Variants in PPP2R2A observed in about 807,000 individuals in gnomAD.
PPP2R2A encodes serine/threonine-protein phosphatase 2A 55 kDa regulatory subunit B alpha isoform.
In PPP2R2A, 9 loss-of-function variants were observed where a neutral mutation model predicts 53.2. The observed-to-expected ratio is 0.17, with a 90% CI of 0.10 to 0.30. The LOEUF (loss-of-function observed/expected upper bound fraction) is 0.30, where lower values mean the gene tolerates loss of function less well. Among genes scored for constraint, PPP2R2A ranks in the 10% least tolerant of loss-of-function variants. The probability of loss-of-function intolerance (pLI) is 1.00; values close to 1 mark genes in which losing one functional copy is unlikely to be tolerated. For missense variants in PPP2R2A, 235 were observed against 534.6 expected, an observed-to-expected ratio of 0.44 and a Z score of 5.53; for synonymous variants, 169 against 174.2, an observed-to-expected ratio of 0.97 and a Z score of 0.23.
chr8:26,291,677 T>TGCCCCCCC lies in PPP2R2A; in HGVS notation c.-143_-142insGCCCCCCC. 12 of 451,624 alleles carry TGCCCCCCC rather than the reference T, an allele frequency of 2.7e-5. No individual in the cohort carries two copies. Among genetic ancestry groups the TGCCCCCCC allele is most frequent in the Non-Finnish European group, 2.9e-5 (7 of 242,350 alleles). 28.0% of individuals were successfully genotyped at this position (451,624 alleles called of 1,614,324 possible). ...TGGTCTGCCCGCCCCTCCTTCCTTT[T>TGCCCCCCC]CCCCCCGGCCCCCGTCCCCTCCCCC... On this transcript the variant is annotated 5_prime_UTR_variant, in exon 1 of 10. Coordinates refer to ENST00000380737, the MANE Select transcript of PPP2R2A (RefSeq NM_002717.4).
At position 26,371,392 on chromosome 8, in the gene PPP2R2A, A is replaced by G. The variant is rs1391778434; in HGVS notation, c.*979A>G. ...TTTTTTACCATCATGAGGGTATTGG[A>G]TACATTGTGTCTCTATTTAACTCAT... On this transcript the variant is annotated 3_prime_UTR_variant, in exon 10 of 10. Coordinates refer to ENST00000380737, the MANE Select transcript of PPP2R2A (RefSeq NM_002717.4). 3 of 146,608 alleles carry G rather than the reference A, an allele frequency of 2.0e-5. No homozygotes were observed. In the East Asian group the frequency reaches 5.9e-4, roughly 29 times the overall value. The allele number at this position is 146,608 out of a possible 1,614,324, so 9.1% of individuals were successfully genotyped here. A position where few individuals can be genotyped will look rare whatever the true frequency, so the allele number is the denominator to read the frequency against.
intron 2 of PPP2R2A, among the ~76,000 whole-genome samples, chr8:26,311,533 G>A (rs1037325113): frequency 1.3e-5 from 2 of 152,130 alleles, no homozygotes; most frequent in East Asian, 3.9e-4. Context: ...GCCGGGCACG[G>A]TGGTGCAAGC....
chr8:26,343,017 A>G (rs1804020645), intron 3 of PPP2R2A, among the ~76,000 whole-genome samples: 1 of 151,990 alleles, frequency 6.6e-6, no homozygotes, highest in Non-Finnish European at 1.5e-5. Flanking sequence ...GTATCTAATA[A>G]AAATACAAAA....
intron 4 of PPP2R2A, among the ~76,000 whole-genome samples, chr8:26,357,657 A>G (rs1804862969): frequency 6.6e-6 from 1 of 152,154 alleles, no homozygotes; most frequent in Non-Finnish European, 1.5e-5. Flanking sequence ...GGTGTGTCTT[A>G]ACAACTTCTT....
At chr8:26,346,751 T>C (rs773313241) in intron 3 of PPP2R2A, among the ~76,000 whole-genome samples, 4 of 152,258 alleles carry the variant, frequency 2.6e-5, no homozygotes, top group Non-Finnish European at 5.9e-5. Flanking sequence ...AGGATTTGAC[T>C]TGTGCCTTTA....
intron 9 of PPP2R2A, among the ~76,000 whole-genome samples, chr8:26,368,092 C>T (rs76202302): frequency 0.039 from 5,960 of 152,264 alleles, 97 homozygotes; most frequent in Middle Eastern, 0.068. Flanking sequence ...TAGCCACAGC[C>T]TAGGTGTCCT....
At chr8:26,333,594 C>A in intron 2 of PPP2R2A, 1 of 1,056,108 alleles carries the variant, frequency 9.5e-7, no homozygotes, top group South Asian at 2.1e-5. Flanking sequence ...GCCAAGGCTA[C>A]TAATAATTTA....
At chr8:26,316,449 G>A (rs921091689) in intron 2 of PPP2R2A, among the ~76,000 whole-genome samples, 2 of 152,090 alleles carry the variant, frequency 1.3e-5, no homozygotes, top group African/African-American at 2.4e-5. Flanking sequence ...AAAGCCGTGA[G>A]GTTTTAAAGA....
At chr8:26,294,109 A>T (rs1425590707) in intron 2 of PPP2R2A, among the ~76,000 whole-genome samples, 2 of 152,186 alleles carry the variant, frequency 1.3e-5, no homozygotes, top group Non-Finnish European at 2.9e-5. Context: ...GTAAATTGAA[A>T]TAGGTGCCAT....
In PPP2R2A at chr8:26,363,764, C is replaced by T. The variant is rs374880394; in HGVS notation, c.846C>T (p.Ser282=). 7.5e-5 allele frequency: 120 copies of T among 1,596,390 alleles called. No homozygotes were observed. Among genetic ancestry groups the T allele is most frequent in the Admixed American group, 4.7e-4 (28 of 59,134 alleles). ...ATCCCAGTAACAGGTCATTTTTTTC[C>T]GAAATCATCTCCTCTATTTCGGATG... The part of the protein sequence containing the change: ...PEDPSNRSFF[S]EIISSISDVK... The change falls in exon 8 of 10, where the codon TCC becomes TCT. Residue 282 remains serine (S), a synonymous_variant. Transcript: ENST00000380737.
chr8:26,347,380 G>A (rs896677041), intron 3 of PPP2R2A, among the ~76,000 whole-genome samples: 1 of 151,076 alleles, frequency 6.6e-6, no homozygotes, highest in Non-Finnish European at 1.5e-5. Context: ...TTTTCGTGTG[G>A]GGTGTTTGTG....
rs1563326326 is a variant in PPP2R2A, at chr8:26,363,872, G to A, written c.954G>A (p.Arg318=). The A allele has an allele frequency of 1.9e-6, 3 of 1,595,496 alleles. No homozygotes were observed. Among genetic ancestry groups the A allele is most frequent in the Non-Finnish European group, 2.6e-6 (3 of 1,167,794 alleles). ...TTTGGGACTTAAATATGGAAAACAG[G>A]CCTGTGGAAACATACCAGGTATTTG... The part of the protein sequence containing the change: ...VKIWDLNMEN[R]PVETYQVHEY... The change falls in exon 8 of 10, where the codon AGG becomes AGA. Residue 318 remains arginine (R), a synonymous_variant. Transcript: ENST00000380737.
chr8:26,366,829 A>T (rs1231541270), intron 9 of PPP2R2A, among the ~76,000 whole-genome samples: 1 of 152,154 alleles, frequency 6.6e-6, no homozygotes. Context: ...TATGTATGTT[A>T]TGTATGATGT....
At chr8:26,299,423 AT>A (rs1801684618) in intron 2 of PPP2R2A, among the ~76,000 whole-genome samples, 1 of 152,200 alleles carries the variant, frequency 6.6e-6, no homozygotes, top group Admixed American at 6.5e-5. Context: ...ACAGGAAATT[AT>A]TTTAGGATAT....
chr8:26,305,299 A>G (rs1298199143), intron 2 of PPP2R2A, among the ~76,000 whole-genome samples: 2 of 152,090 alleles, frequency 1.3e-5, no homozygotes, highest in South Asian at 2.1e-4. Context: ...TTGTTTATTC[A>G]TTCATTCTTT....
intron 2 of PPP2R2A, among the ~76,000 whole-genome samples, chr8:26,323,012 C>T (rs1048051373): frequency 2.0e-5 from 3 of 152,194 alleles, no homozygotes; most frequent in Non-Finnish European, 2.9e-5. Flanking sequence ...TTTAAAAACA[C>T]GGTCTTTGCC....
In PPP2R2A at chr8:26,371,020, T is replaced by C. The variant is rs1041513585; in HGVS notation, c.*607T>C. On this transcript the variant is annotated 3_prime_UTR_variant, in exon 10 of 10. Coordinates refer to ENST00000380737, the MANE Select transcript of PPP2R2A (RefSeq NM_002717.4). The stretch of plus-strand genomic sequence containing the variant: ...GGGTCAGTGGTATAAAGGGGGTATA[T>C]GTTGCAAACAAATGTTTTAGTAACA... 2 of 152,728 alleles carry C rather than the reference T, an allele frequency of 1.3e-5. No individual in the cohort carries two copies. The highest frequency in any genetic ancestry group is 2.9e-5 in the Non-Finnish European group (2 of 68,150). The allele number at this position is 152,728 out of a possible 1,614,324, so 9.5% of individuals were successfully genotyped here.
At chr8:26,366,072 A>G (rs572294315) in intron 8 of PPP2R2A, 5 of 396,780 alleles carry the variant, frequency 1.3e-5, no homozygotes, top group African/African-American at 4.2e-5. Context: ...TATAAAGGCT[A>G]TGTGTGCCAT....
intron 2 of PPP2R2A, among the ~76,000 whole-genome samples, chr8:26,320,440 G>A (rs1259159218): frequency 6.6e-6 from 1 of 152,126 alleles, no homozygotes. Flanking sequence ...TGTAGGGAAC[G>A]TTTTTTTAAT....
Sources: gnomAD v4.1 joint callset for allele counts (sites outside exome capture counted in the v4.1 genomes callset) on GRCh38, gnomAD v4.1.1 for gene constraint, MANE v1.5 for transcripts, NCBI Gene and HGNC (gene_info 2026-07-23, HGNC 2026-07-21) for gene names.